XNDC1N: variants seen among roughly 807,000 people sequenced by gnomAD.
XNDC1N encodes XRCC1 N-terminal domain containing 1, N-terminal like.
At chr11:71,920,874 A>G in the XNDC1N span, among the ~76,000 whole-genome samples, 1 of 152,130 alleles carries the variant, frequency 6.6e-6, no homozygotes, top group Admixed American at 6.5e-5. Flanking sequence ...CCAAGGCAGG[A>G]GAATCGCTTG....
chr11:71,896,416 G>C, the XNDC1N span, among the ~76,000 whole-genome samples: 2 of 152,240 alleles, frequency 1.3e-5, no homozygotes, highest in Admixed American at 6.5e-5. Flanking sequence ...TGGAATAAGT[G>C]AGTTCTAGTG....
At chr11:71,916,220 A>AT in the XNDC1N span, 1 of 702,748 alleles carries the variant, frequency 1.4e-6, no homozygotes, top group Non-Finnish European at 2.6e-6. Context: ...AGTCGATCCC[A>AT]TAACTCTCCT....
At chr11:71,910,590 A>G in the XNDC1N span, among the ~76,000 whole-genome samples, 1 of 152,202 alleles carries the variant, frequency 6.6e-6, no homozygotes, top group Admixed American at 6.5e-5. Context: ...TGCCAAGGGA[A>G]CAGATGCCCT....
the XNDC1N span, chr11:71,903,707 A>G: frequency 5.0e-6 from 2 of 399,126 alleles, no homozygotes; most frequent in South Asian, 4.3e-5. Context: ...TGATTGCCTT[A>G]CAAATGACCT....
the XNDC1N span, among the ~76,000 whole-genome samples, chr11:71,913,673 A>G: frequency 6.7e-6 from 1 of 149,726 alleles, no homozygotes; most frequent in Non-Finnish European, 1.5e-5. Flanking sequence ...GATAAAAAAA[A>G]AAAAAAAAAA....
the XNDC1N span, chr11:71,918,942 G>T: frequency 1.4e-6 from 1 of 702,800 alleles, no homozygotes; most frequent in African/African-American, 1.7e-5. Context: ...ACTTTCAATT[G>T]CCCACTCTTG....
chr11:71,917,513 G>C, the XNDC1N span: 2 of 699,106 alleles, frequency 2.9e-6, no homozygotes, highest in Non-Finnish European at 5.2e-6. Context: ...CCCCTGCACA[G>C]GCTCCCTCCC....
chr11:71,893,753 C>A, the XNDC1N span: 21 of 1,160,602 alleles, frequency 1.8e-5, no homozygotes, highest in South Asian at 2.3e-4. Context: ...ATCTCTCATG[C>A]GGACTGCCTG....
chr11:71,876,704 A>G, the XNDC1N span, among the ~76,000 whole-genome samples: 1 of 152,234 alleles, frequency 6.6e-6, no homozygotes, highest in Non-Finnish European at 1.5e-5. Context: ...TGTTCCATAA[A>G]GGATTTCAAT....
At chr11:71,887,107 A>T in the XNDC1N span, among the ~76,000 whole-genome samples, 1 of 152,192 alleles carries the variant, frequency 6.6e-6, no homozygotes, top group African/African-American at 2.4e-5. Context: ...AAGCGTCCCC[A>T]TTGAGCCTCT....
the XNDC1N span, among the ~76,000 whole-genome samples, chr11:71,915,398 A>G: frequency 6.6e-6 from 1 of 151,562 alleles, no homozygotes; most frequent in African/African-American, 2.4e-5. Context: ...CAGTGAGCCG[A>G]GATCGCCCCA....
chr11:71,896,785 A>C, the XNDC1N span, among the ~76,000 whole-genome samples: 12 of 152,176 alleles, frequency 7.9e-5, no homozygotes, highest in Admixed American at 3.9e-4. Flanking sequence ...GCTGGTCTTC[A>C]ACTCCTGACC....
At chr11:71,919,869 G>A in the XNDC1N span, among the ~76,000 whole-genome samples, 2 of 140,170 alleles carry the variant, frequency 1.4e-5, no homozygotes, top group East Asian at 2.2e-4. Flanking sequence ...CGCCCGCCTC[G>A]GCCTCCCAAA....
chr11:71,878,795 G>A, the XNDC1N span, among the ~76,000 whole-genome samples: 63 of 151,816 alleles, frequency 4.1e-4, 1 homozygote, highest in African/African-American at 1.3e-3. Context: ...AGACCAGCCC[G>A]GTGGGGGCAA....
chr11:71,880,073 T>C, the XNDC1N span, among the ~76,000 whole-genome samples: 24 of 152,314 alleles, frequency 1.6e-4, no homozygotes, highest in African/African-American at 5.3e-4. Flanking sequence ...AGTATAATTC[T>C]GTATAATTAT....
the XNDC1N span, among the ~76,000 whole-genome samples, chr11:71,883,804 T>G: frequency 6.6e-6 from 1 of 152,216 alleles, no homozygotes; most frequent in Non-Finnish European, 1.5e-5. Flanking sequence ...ACTTCCTCAG[T>G]AAAGGAGACA....
At chr11:71,888,163 C>T in the XNDC1N span, among the ~76,000 whole-genome samples, 833 of 152,230 alleles carry the variant, frequency 5.5e-3, 10 homozygotes, top group African/African-American at 0.019. Context: ...ACCTGGAGGA[C>T]TGTGGATAGA....
chr11:71,906,767 G>T, the XNDC1N span, among the ~76,000 whole-genome samples: 1 of 152,126 alleles, frequency 6.6e-6, no homozygotes, highest in Non-Finnish European at 1.5e-5. Flanking sequence ...TGTGACGTTA[G>T]GAGTCACATC....
At chr11:71,887,017 G>C in the XNDC1N span, among the ~76,000 whole-genome samples, 1 of 152,178 alleles carries the variant, frequency 6.6e-6, no homozygotes, top group Non-Finnish European at 1.5e-5. Flanking sequence ...AGGTGACTCA[G>C]AGCAGGAGGC....
Sources: gnomAD v4.1 joint callset for allele counts (sites outside exome capture counted in the v4.1 genomes callset) on GRCh38, gnomAD v4.1.1 for gene constraint, MANE v1.5 for transcripts, NCBI Gene and HGNC (gene_info 2026-07-23, HGNC 2026-07-21) for gene names.